The following MPP2 variants were observed in gnomAD, a reference collection of about 807,000 sequenced individuals.
MPP2 encodes the protein MAGUK p55 scaffold protein 2.
MPP2 carries 42 observed loss-of-function variants against 58.5 expected under a neutral mutation model. That is an observed-to-expected ratio of 0.72 (90% CI 0.56 to 0.93). The LOEUF is 0.93. MPP2 is among the 40% of genes least tolerant of loss of function. The pLI, the probability that MPP2 is intolerant of heterozygous loss-of-function variation, is 0.00. For missense variants in MPP2, 632 were observed against 760.4 expected (o/e 0.83, Z 1.99); for synonymous variants, 300 against 307.8 (o/e 0.97, Z 0.26).
intron 2 of MPP2, among the ~76,000 whole-genome samples, chr17:43,899,980 C>CGGAGG (rs992834342): frequency 6.6e-6 from 1 of 152,152 alleles, no homozygotes; most frequent in Non-Finnish European, 1.5e-5. Context: ...CGGAGGACGG[C>CGGAGG]GGAGGATGCA....
Position 43,881,224 on chromosome 17 carries a change from G to C in MPP2, c.919+20C>G. 6.2e-7 allele frequency: 1 copy of C among 1,612,122 alleles called. No homozygotes were observed. The highest frequency in any genetic ancestry group is 1.1e-5 in the South Asian group (1 of 91,032). Reference sequence around the variant, plus strand: ...TGTTGGATCCCAGATTGGAGGTGTGGGGTAGGGGGGACCTCCTACCTGAGT... The same window carrying C: ...TGTTGGATCCCAGATTGGAGGTGTGCGGTAGGGGGGACCTCCTACCTGAGT... On this transcript the variant is annotated intron_variant, in intron 8 of 12. Transcript: ENST00000269095.
At position 43,877,797 on chromosome 17, in the gene MPP2, G is replaced by A. The variant is rs370806097; in HGVS notation, c.*10C>T. ...CAACACAGAGTGAGCCAAAGACCAG[G>A]TGAACAGGCTCAGTACACCCAGCTG... On this transcript the variant is annotated 3_prime_UTR_variant, in exon 13 of 13. Coordinates refer to ENST00000269095, the MANE Select transcript of MPP2 (RefSeq NM_005374.5). 2 of 1,610,452 alleles carry A rather than the reference G, an allele frequency of 1.2e-6. No homozygotes were observed. Among genetic ancestry groups the A allele is most frequent in the African/African-American group, 2.7e-5 (2 of 74,838 alleles).
rs761102566 is a variant in MPP2, at chr17:43,904,441, T to G, written c.20A>C (p.Asn7Thr). 7 of 1,613,638 alleles carry G rather than the reference T, an allele frequency of 4.3e-6. No individual in the cohort carries two copies. Among genetic ancestry groups the G allele is most frequent in the Non-Finnish European group, 4.2e-6 (5 of 1,179,776 alleles). MPVAATNSETAMQQVLD... is the reference protein window; with the variant it reads MPVAATTSETAMQQVLD... Reference sequence around the variant, plus strand: ...CACCCCCTTCTTACCAGTTTCAGAGTTGGTGGCGGCAACCGGCATGGTGAA... The same window carrying G: ...CACCCCCTTCTTACCAGTTTCAGAGGTGGTGGCGGCAACCGGCATGGTGAA... The change falls in exon 2 of 13, where the codon AAC (asparagine) becomes ACC (threonine). Residue 7 changes from asparagine to threonine, a missense_variant. Coordinates refer to ENST00000269095, the MANE Select transcript of MPP2 (RefSeq NM_005374.5).
At chr17:43,884,814 T>C (rs1403191397) in intron 3 of MPP2, among the ~76,000 whole-genome samples, 2 of 152,086 alleles carry the variant, frequency 1.3e-5, no homozygotes, top group Non-Finnish European at 2.9e-5. Flanking sequence ...ATTATTGGCA[T>C]TCTGCTATAA....
In MPP2 at chr17:43,880,793, G is replaced by T; in HGVS notation, c.1048C>A (p.Arg350=). 6.2e-7 allele frequency: 1 copy of T among 1,613,620 alleles called. No homozygotes were observed. Among genetic ancestry groups the T allele is most frequent in the South Asian group, 1.1e-5 (1 of 91,000 alleles). The change falls in exon 10 of 13, where the codon CGG becomes AGG. Residue 350 remains arginine, a synonymous_variant. Transcript: ENST00000269095. This position sits in a 1 kb window ranked among gnomAD's most constrained non-coding sequence, Gnocchi z 5.2. ...GCCCCAATCAGTACCAGGGTTTTCC[G>T]GCGGAACGGGGGCATGCGGGCCACC... The part of the protein sequence containing the change: ...EEVARMPPFR[R]KTLVLIGAQG...
At chr17:43,907,787 C>G (rs73304637), upstream of MPP2, 2,979 of 985,472 alleles carry the variant, frequency 3.0e-3, 75 homozygotes, top group African/African-American at 0.049. Context: ...GCTGGTGCCC[C>G]TCGGCTCCCA....
Position 43,879,480 on chromosome 17 carries a change from C to G in MPP2, c.1354-77G>C. 6.3e-7 allele frequency: 1 copy of G among 1,581,934 alleles called. No homozygotes were observed. Among genetic ancestry groups the G allele is most frequent in the Non-Finnish European group, 8.6e-7 (1 of 1,157,356 alleles). On this transcript the variant is annotated intron_variant, in intron 11 of 12. Transcript: ENST00000269095. This position sits in a 1 kb window ranked among gnomAD's most constrained non-coding sequence, Gnocchi z 4.1. Reference sequence around the variant, plus strand: ...AACCAGAGAAAGGCTGTGAGGGTAACTGGGGTTGGGGTGAGCACTTGGGAG... The same window carrying G: ...AACCAGAGAAAGGCTGTGAGGGTAAGTGGGGTTGGGGTGAGCACTTGGGAG...
At position 43,880,245 on chromosome 17, in the gene MPP2, C is replaced by T. The variant is rs1332189941; in HGVS notation, c.1151-261G>A. ...AGGTCCAGAAAGGGCAATGTACAGC[C>T]CAAAGCCACACAGCAAGAGCCAAGC... On this transcript the variant is annotated intron_variant, in intron 10 of 12. Coordinates refer to ENST00000269095, the MANE Select transcript of MPP2 (RefSeq NM_005374.5). This position sits in a 1 kb window ranked among gnomAD's most constrained non-coding sequence, Gnocchi z 5.2. 6.6e-6 allele frequency among the ~76,000 whole-genome samples: 1 copy of T among 152,082 alleles called. No homozygotes were observed. Among genetic ancestry groups the T allele is most frequent in the Non-Finnish European group, 1.5e-5 (1 of 68,028 alleles).
chr17:43,900,068 G>A lies in MPP2; in HGVS notation c.32-1688C>T, dbSNP rs140066270. Among the ~76,000 whole-genome samples, 588 of 152,296 alleles carry A rather than the reference G, an allele frequency of 3.9e-3. 3 individuals carry two copies. Among genetic ancestry groups the A allele is most frequent in the Middle Eastern group, 6.8e-3 (2 of 294 alleles). On this transcript the variant is annotated intron_variant, in intron 2 of 12. Transcript: ENST00000269095. ...CAGGAGTGGGGAGGAGGGGGCACTG[G>A]AACTGGAGCTGGCAGAGATGGTTCA...
chr17:43,903,876 C>A (rs1247962310), intron 2 of MPP2, among the ~76,000 whole-genome samples: 1 of 152,180 alleles, frequency 6.6e-6, no homozygotes, highest in African/African-American at 2.4e-5. Flanking sequence ...GTCTGAGTGG[C>A]CCACTCCCTT....
At chr17:43,908,031 G>A, upstream of MPP2, 1 of 948,548 alleles carries the variant, frequency 1.1e-6, no homozygotes. Flanking sequence ...GACTCAGAGG[G>A]TGGATATCCG....
At chr17:43,884,192 T>C (rs765456387) in intron 3 of MPP2, 8 of 697,412 alleles carry the variant, frequency 1.1e-5, no homozygotes, top group South Asian at 1.1e-4. Flanking sequence ...TAATACATTA[T>C]GTAAGACAGT....
intron 2 of MPP2, chr17:43,900,321 G>A (rs2048034275): frequency 6.5e-6 from 5 of 773,188 alleles, no homozygotes; most frequent in Non-Finnish European, 1.0e-5. Context: ...TGAGCCAAGG[G>A]AGTTGGTGCC....
chr17:43,909,483 G>A, upstream of MPP2: 1 of 1,089,206 alleles, frequency 9.2e-7, no homozygotes, highest in Non-Finnish European at 1.2e-6. Context: ...TATTTTGGAA[G>A]AGGAAGGATC....
chr17:43,892,981 T>C (rs1407681552), intron 3 of MPP2, among the ~76,000 whole-genome samples: 3 of 126,554 alleles, frequency 2.4e-5, no homozygotes, highest in Admixed American at 8.3e-5. Context: ...AAATAGGTAT[T>C]TGATGGATGG....
In MPP2 at chr17:43,895,165, CTGTAG is replaced by C. The variant is rs1398082497; in HGVS notation, c.150+3092_150+3096del. Among the ~76,000 whole-genome samples, 4 of 151,638 alleles carry C rather than the reference CTGTAG, an allele frequency of 2.6e-5. No homozygotes were observed. In the East Asian group the frequency reaches 7.7e-4, roughly 29 times the overall value. ...GTCTCACTCGGTCACCCAGGCTGGA[CTGTAG>C]TGGCATGATCATGGCTCATTGTAGC... On this transcript the variant is annotated intron_variant, in intron 3 of 12. Transcript: ENST00000269095.
chr17:43,907,154 C>G (rs2048324786), intron 1 of MPP2: 1 of 984,934 alleles, frequency 1.0e-6, no homozygotes, highest in South Asian at 4.7e-5. Flanking sequence ...TAAGTACCCC[C>G]AACCCGCACA....
At chr17:43,902,479 G>T (rs2048133343) in intron 2 of MPP2, among the ~76,000 whole-genome samples, 1 of 152,222 alleles carries the variant, frequency 6.6e-6, no homozygotes, top group African/African-American at 2.4e-5. Context: ...TAGGCAGGCT[G>T]AAAGAGGCAG....
In MPP2 at chr17:43,892,253, C is replaced by T. The variant is rs191623845; in HGVS notation, c.150+6009G>A. Among the ~76,000 whole-genome samples the T allele has an allele frequency of 5.3e-5, 8 of 152,336 alleles. No individual in the cohort carries two copies. In the South Asian group the frequency reaches 8.3e-4, roughly 16 times the overall value. The stretch of plus-strand genomic sequence containing the variant: ...GACAGAGTCAAGCCCAGCTCCACAG[C>T]GTAAGGGAGGGAGGCCAACAGCTAC... On this transcript the variant is annotated intron_variant, in intron 3 of 12. Coordinates refer to ENST00000269095, the MANE Select transcript of MPP2 (RefSeq NM_005374.5).
Sources: allele counts gnomAD v4.1 joint callset (sites outside exome capture counted in the v4.1 genomes callset), GRCh38; gene constraint gnomAD v4.1.1; non-coding constraint Gnocchi (gnomAD v3.1); transcripts MANE v1.5; gene names NCBI Gene and HGNC (gene_info 2026-07-23, HGNC 2026-07-21).